Variants in QTMAN observed in about 807,000 individuals in gnomAD.
QTMAN encodes tRNA-queuosine alpha-mannosyltransferase.
chr2:143,970,807 T>C, the QTMAN span: 1 of 1,077,732 alleles, frequency 9.3e-7, no homozygotes, highest in African/African-American at 1.6e-5. Flanking sequence ...CCTTAGGGCA[T>C]GTGTTAGGAA....
chr2:143,947,116 G>C, the QTMAN span: 2 of 1,613,790 alleles, frequency 1.2e-6, no homozygotes, highest in Admixed American at 1.7e-5. Flanking sequence ...GGCTGCCCAA[G>C]AAAACGGAGC....
At chr2:144,185,741 C>G in the QTMAN span, among the ~76,000 whole-genome samples, 8 of 152,146 alleles carry the variant, frequency 5.3e-5, no homozygotes, top group African/African-American at 1.7e-4. Flanking sequence ...ATTGGATGTA[C>G]AGCCACTAGC....
At chr2:144,025,486 T>C in the QTMAN span, among the ~76,000 whole-genome samples, 1 of 152,174 alleles carries the variant, frequency 6.6e-6, no homozygotes, top group Non-Finnish European at 1.5e-5. Flanking sequence ...AGAAGATGCC[T>C]GATGTGTTTT....
the QTMAN span, among the ~76,000 whole-genome samples, chr2:144,230,663 T>C: frequency 6.6e-6 from 1 of 152,188 alleles, no homozygotes; most frequent in African/African-American, 2.4e-5. Flanking sequence ...CATTGTTGCC[T>C]GGTGAAGGCC....
chr2:144,328,385 A>AT, the QTMAN span, among the ~76,000 whole-genome samples: 2 of 152,236 alleles, frequency 1.3e-5, no homozygotes, highest in African/African-American at 4.8e-5. Flanking sequence ...ATCTATAACT[A>AT]TTTTGAAATA....
chr2:144,039,529 C>T, the QTMAN span, among the ~76,000 whole-genome samples: 2 of 152,138 alleles, frequency 1.3e-5, no homozygotes, highest in South Asian at 2.1e-4. Flanking sequence ...AAATAAACAA[C>T]TTTGGTGAAC....
At chr2:144,015,413 T>C in the QTMAN span, among the ~76,000 whole-genome samples, 2 of 152,170 alleles carry the variant, frequency 1.3e-5, no homozygotes, top group Non-Finnish European at 2.9e-5. Context: ...AAGGTCTTTA[T>C]ACTACTTTCT....
the QTMAN span, among the ~76,000 whole-genome samples, chr2:144,056,894 T>C: frequency 6.6e-6 from 1 of 152,200 alleles, no homozygotes; most frequent in East Asian, 1.9e-4. Context: ...AACAAAACTA[T>C]CACAAATGTA....
chr2:144,122,536 A>G, the QTMAN span, among the ~76,000 whole-genome samples: 3 of 152,152 alleles, frequency 2.0e-5, no homozygotes, highest in Non-Finnish European at 2.9e-5. Flanking sequence ...GCTAATGGAA[A>G]GGATACTAAA....
the QTMAN span, among the ~76,000 whole-genome samples, chr2:144,081,786 T>A: frequency 6.6e-6 from 1 of 152,150 alleles, no homozygotes; most frequent in African/African-American, 2.4e-5. Context: ...GCCTGGGTCA[T>A]TGTGGCAACA....
chr2:144,211,162 G>A, the QTMAN span: 1 of 152,170 alleles, frequency 6.6e-6, no homozygotes, highest in Non-Finnish European at 1.5e-5. Flanking sequence ...CAGCCACTAT[G>A]GAGGCAGTAC....
At chr2:144,206,600 G>C in the QTMAN span, among the ~76,000 whole-genome samples, 1 of 152,182 alleles carries the variant, frequency 6.6e-6, no homozygotes, top group African/African-American at 2.4e-5. Context: ...GGCATACCTT[G>C]AGAGATGACA....
chr2:144,136,921 G>T, the QTMAN span, among the ~76,000 whole-genome samples: 1 of 151,960 alleles, frequency 6.6e-6, no homozygotes, highest in African/African-American at 2.4e-5. Context: ...CAATCATCTT[G>T]CAGGCCTGGA....
At chr2:144,044,415 A>G in the QTMAN span, among the ~76,000 whole-genome samples, 1 of 152,176 alleles carries the variant, frequency 6.6e-6, no homozygotes, top group Non-Finnish European at 1.5e-5. Flanking sequence ...AAAGTGAATC[A>G]AATGCAGTTG....
chr2:144,288,951 C>T, the QTMAN span, among the ~76,000 whole-genome samples: 2 of 150,486 alleles, frequency 1.3e-5, no homozygotes, highest in African/African-American at 4.9e-5. Context: ...AGAAAGAGAA[C>T]AGATGCCCTG....
the QTMAN span, among the ~76,000 whole-genome samples, chr2:144,198,074 T>C: frequency 1.3e-5 from 2 of 152,002 alleles, no homozygotes; most frequent in Non-Finnish European, 2.9e-5. Flanking sequence ...AAAATAAAAC[T>C]AAAAAGTATC....
At chr2:144,280,662 A>G in the QTMAN span, among the ~76,000 whole-genome samples, 3 of 152,196 alleles carry the variant, frequency 2.0e-5, no homozygotes, top group Admixed American at 6.5e-5. Context: ...GGAAAAATGT[A>G]TTTCGCCCAC....
the QTMAN span, among the ~76,000 whole-genome samples, chr2:144,001,629 T>C: frequency 2.0e-5 from 3 of 151,934 alleles, no homozygotes; most frequent in African/African-American, 4.8e-5. Context: ...CCACTCCTTA[T>C]TCTTCTTAAC....
chr2:144,185,032 T>C, the QTMAN span, among the ~76,000 whole-genome samples: 1 of 152,128 alleles, frequency 6.6e-6, no homozygotes, highest in Non-Finnish European at 1.5e-5. Context: ...CACTTCTTAA[T>C]TTGAAAGATC....
Sources: allele counts gnomAD v4.1 joint callset (sites outside exome capture counted in the v4.1 genomes callset), GRCh38; gene constraint gnomAD v4.1.1; transcripts MANE v1.5; gene names NCBI Gene and HGNC (gene_info 2026-07-23, HGNC 2026-07-21).